Variants in LRRTM4 observed in about 807,000 individuals in gnomAD.
LRRTM4 encodes the protein leucine rich repeat transmembrane neuronal 4, also known as leucine-rich repeat transmembrane neuronal protein 4.
Under a neutral mutation model 47.6 loss-of-function variants are expected in LRRTM4, and 25 were observed. That is an observed-to-expected ratio of 0.53 (90% confidence interval 0.38 to 0.73). The LOEUF is 0.73. Ranked by LOEUF, LRRTM4 falls within the 30% of genes least tolerant of loss-of-function variation. The pLI is 0.00. For synonymous variants in LRRTM4, 311 were observed against 269.5 expected (o/e 1.15, Z -1.51); for missense variants, 638 against 713.4 (o/e 0.89, Z 1.20).
chr2:76,913,280 T>C (rs1046903660), intron 3 of LRRTM4, among the ~76,000 whole-genome samples: 1 of 152,112 alleles, frequency 6.6e-6, no homozygotes, highest in Non-Finnish European at 1.5e-5. Context: ...CTATGTCTTG[T>C]ATGTTTCATG....
intron 3 of LRRTM4, among the ~76,000 whole-genome samples, chr2:77,272,298 A>G (rs1312917851): frequency 6.6e-6 from 1 of 152,202 alleles, no homozygotes; most frequent in Non-Finnish European, 1.5e-5. Context: ...GATGTCATGA[A>G]CAATAGAAAG....
intron 3 of LRRTM4, among the ~76,000 whole-genome samples, chr2:77,359,394 CTA>C (rs1212934209): frequency 1.3e-5 from 2 of 152,116 alleles, no homozygotes; most frequent in Non-Finnish European, 2.9e-5. Flanking sequence ...TTCAGTCCCT[CTA>C]TGAGTTTGTC....
intron 3 of LRRTM4, among the ~76,000 whole-genome samples, chr2:77,029,573 T>G (rs1336948236): frequency 6.6e-6 from 1 of 152,088 alleles, no homozygotes; most frequent in East Asian, 1.9e-4. Context: ...GGCAACACCC[T>G]CAGAGACACA....
chr2:77,233,619 G>T (rs1675026418), intron 3 of LRRTM4, among the ~76,000 whole-genome samples: 1 of 151,996 alleles, frequency 6.6e-6, no homozygotes, highest in South Asian at 2.1e-4. Flanking sequence ...CAACATTTCA[G>T]TGTTTTTCTC....
chr2:77,489,528 A>G (rs1186372675), intron 3 of LRRTM4, among the ~76,000 whole-genome samples: 7 of 152,240 alleles, frequency 4.6e-5, no homozygotes, highest in African/African-American at 7.2e-5. Flanking sequence ...TAGGAAACAT[A>G]TCAACATTTA....
chr2:77,014,877 T>C (rs886612392), intron 3 of LRRTM4, among the ~76,000 whole-genome samples: 2 of 152,124 alleles, frequency 1.3e-5, no homozygotes, highest in Non-Finnish European at 2.9e-5. Flanking sequence ...TATCTCATAA[T>C]TGACTTTTCA....
intron 3 of LRRTM4, among the ~76,000 whole-genome samples, chr2:77,406,754 G>C (rs894153873): frequency 2.0e-5 from 3 of 152,050 alleles, no homozygotes; most frequent in African/African-American, 7.2e-5. Context: ...AGTGTGATGA[G>C]AGATTACTTT....
In LRRTM4 at chr2:77,521,837, CAAAAA is replaced by C. The variant is rs5832290; in HGVS notation, c.-147-24_-147-20del. The stretch of plus-strand genomic sequence containing the variant: ...ATACAAACTTCCCCGAGAGGACAGG[CAAAAA>C]AAAAAAAAAAAAATACATATATATA... On this transcript the variant is annotated intron_variant, in intron 1 of 3. Coordinates refer to ENST00000409884, the MANE Select transcript of LRRTM4 (RefSeq NM_001134745.3). 2.0e-3 allele frequency: 318 copies of C among 156,056 alleles called. No individual in the cohort carries two copies. The highest frequency in any genetic ancestry group is 6.7e-3 in the Middle Eastern group (3 of 446). The allele number at this position is 156,056 out of a possible 1,614,324, so 9.7% of individuals were successfully genotyped here. A position where few individuals can be genotyped will look rare whatever the true frequency, so the allele number is the denominator to read the frequency against.
rs148530177 is a variant in LRRTM4 at position 77,420,623 on chromosome 2, G to GATAT, written c.1551+97691_1551+97694dup. Among the ~76,000 whole-genome samples the GATAT allele has an allele frequency of 9.7e-3, 1,422 of 145,922 alleles. 22 individuals carry two copies. Among genetic ancestry groups the GATAT allele is most frequent in the African/African-American group, 0.034 (1,362 of 39,902 alleles). On this transcript the variant is annotated intron_variant, in intron 3 of 3. Coordinates refer to ENST00000409884, the MANE Select transcript of LRRTM4 (RefSeq NM_001134745.3). ...GGAAATATGACTTCGTAGTGTATGT[G>GATAT]ATATATATATATATATATTTCTGCC...
At chr2:77,428,551 A>C (rs941714300) in intron 3 of LRRTM4, among the ~76,000 whole-genome samples, 1 of 152,206 alleles carries the variant, frequency 6.6e-6, no homozygotes, top group African/African-American at 2.4e-5. Flanking sequence ...CCACAGTAGA[A>C]TATTGCCTTT....
In LRRTM4 at chr2:77,307,217, T is replaced by C. The variant is rs563812949; in HGVS notation, c.1551+211101A>G. Among the ~76,000 whole-genome samples, 57 of 152,144 alleles carry C rather than the reference T, an allele frequency of 3.7e-4. 1 individual carries two copies. Among genetic ancestry groups the C allele is most frequent in the Non-Finnish European group, 7.2e-4 (49 of 67,996 alleles). Reference sequence around the variant, plus strand: ...GCCCGGCCCCCATATTTTTGTAGTCTACTTTGAGTTCTAAAATTTGATAGA... The same window carrying C: ...GCCCGGCCCCCATATTTTTGTAGTCCACTTTGAGTTCTAAAATTTGATAGA... On this transcript the variant is annotated intron_variant, in intron 3 of 3. Transcript: ENST00000409884.
chr2:77,210,861 G>A (rs564136129), intron 3 of LRRTM4, among the ~76,000 whole-genome samples: 70 of 152,264 alleles, frequency 4.6e-4, no homozygotes, highest in African/African-American at 1.5e-3. Flanking sequence ...CACATATGGA[G>A]CATGAACAGA....
At chr2:76,987,224 G>T (rs1464681675) in intron 3 of LRRTM4, among the ~76,000 whole-genome samples, 1 of 151,600 alleles carries the variant, frequency 6.6e-6, no homozygotes, top group East Asian at 1.9e-4. Flanking sequence ...ACCAAAGGTT[G>T]TATAACATCT....
intron 3 of LRRTM4, among the ~76,000 whole-genome samples, chr2:77,313,471 G>A (rs1036511540): frequency 6.0e-4 from 69 of 114,368 alleles, no homozygotes; most frequent in East Asian, 3.7e-3. Context: ...TTGCTGTGAT[G>A]TACCTCCCTA....
At chr2:77,137,956 A>AGTGCAATATAT (rs527524415) in intron 3 of LRRTM4, among the ~76,000 whole-genome samples, 3 of 152,142 alleles carry the variant, frequency 2.0e-5, no homozygotes, top group Non-Finnish European at 4.4e-5. Flanking sequence ...CCAATACAGG[A>AGTGCAATATAT]GCACCCAGAT....
chr2:76,841,999 A>G (rs1412077002), intron 3 of LRRTM4, among the ~76,000 whole-genome samples: 1 of 152,184 alleles, frequency 6.6e-6, no homozygotes, highest in Non-Finnish European at 1.5e-5. Flanking sequence ...AGACTGAGCT[A>G]CTGGATGTCC....
chr2:76,910,060 G>A (rs1217082819), intron 3 of LRRTM4, among the ~76,000 whole-genome samples: 1 of 151,980 alleles, frequency 6.6e-6, no homozygotes, highest in African/African-American at 2.4e-5. Context: ...TGTTTATTGT[G>A]GCACTATTCA....
chr2:76,830,182 T>C (rs368263388), intron 3 of LRRTM4, among the ~76,000 whole-genome samples: 3 of 152,040 alleles, frequency 2.0e-5, no homozygotes, highest in African/African-American at 7.2e-5. Flanking sequence ...TCTTAGCAAC[T>C]CCAGATTCTT....
chr2:76,815,233 A>C (rs747648499), intron 3 of LRRTM4, among the ~76,000 whole-genome samples: 4 of 152,098 alleles, frequency 2.6e-5, no homozygotes, highest in Non-Finnish European at 5.9e-5. Flanking sequence ...ACTTAGACTA[A>C]ATCTGTGAAT....
Sources: gnomAD v4.1 joint callset for allele counts (sites outside exome capture counted in the v4.1 genomes callset) on GRCh38, gnomAD v4.1.1 for gene constraint, MANE v1.5 for transcripts, NCBI Gene and HGNC (gene_info 2026-07-23, HGNC 2026-07-21) for gene names.